Variants in PITPNM2 observed in about 807,000 individuals in gnomAD.
The protein encoded by PITPNM2 is phosphatidylinositol transfer protein membrane associated 2.
PITPNM2 carries 35 observed loss-of-function variants against 132.2 expected under a neutral mutation model. The ratio of observed to expected loss-of-function variants is 0.26; its 90% CI spans 0.20 to 0.35. The LOEUF (loss-of-function observed/expected upper bound fraction) is 0.35. Among genes scored for constraint, PITPNM2 ranks in the 10% least tolerant of loss-of-function variants. The pLI is 1.00. For synonymous variants in PITPNM2, 738 were observed against 799.2 expected (o/e 0.92, Z 1.29); for missense variants, 1,332 against 1,912.0 (o/e 0.70, Z 5.66).
intron 6 of PITPNM2, chr12:123,007,294 C>A: frequency 4.4e-6 from 2 of 455,012 alleles, no homozygotes; most frequent in Non-Finnish European, 8.8e-6. Context: ...GTGTGAAATG[C>A]CACATTTCAT....
chr12:122,987,346 A>C lies in PITPNM2; in HGVS notation c.3348T>G (p.Phe1116Leu), dbSNP rs1368999089. ...EFVVFSIDGS[F>L]AASVSIMGSD... ...TGCCCATGATGGACACGCTAGCGGC[A>C]AAGGAACCGTCGATGCTGAAGACCA... The change falls in exon 23 of 26, where the codon TTT (phenylalanine) becomes TTG (leucine). Residue 1116 changes from phenylalanine (F) to leucine (L), a missense_variant. Phe to Leu is a conservative substitution (Grantham distance 22). Coordinates refer to ENST00000320201, the MANE Select transcript of PITPNM2 (RefSeq NM_020845.3). 6.2e-7 allele frequency: 1 copy of C among 1,612,744 alleles called. No homozygotes were observed. Among genetic ancestry groups the C allele is most frequent in the African/African-American group, 1.3e-5 (1 of 74,894 alleles).
intron 2 of PITPNM2, chr12:123,092,588 T>G (rs888091775): frequency 7.9e-5 from 12 of 152,272 alleles, no homozygotes; most frequent in African/African-American, 2.7e-4. Context: ...CTCAAGGCTT[T>G]ATCTTCTCCT....
chr12:123,044,691 G>A (rs1287332669), intron 2 of PITPNM2, among the ~76,000 whole-genome samples: 1 of 152,214 alleles, frequency 6.6e-6, no homozygotes, highest in Non-Finnish European at 1.5e-5. Flanking sequence ...GGAGGGCACA[G>A]CTCCTGCAGT....
At chr12:123,096,177 G>A (rs1246440784) in intron 2 of PITPNM2, among the ~76,000 whole-genome samples, 8 of 152,234 alleles carry the variant, frequency 5.3e-5, no homozygotes, top group Non-Finnish European at 1.0e-4. Context: ...CCTCCTTTGA[G>A]GGACTAGCCC....
intron 8 of PITPNM2, among the ~76,000 whole-genome samples, chr12:123,002,155 T>C (rs1361181602): frequency 6.7e-6 from 1 of 150,052 alleles, no homozygotes; most frequent in African/African-American, 2.5e-5. Flanking sequence ...CTGGCCAACG[T>C]GGCAAAACCC....
intron 2 of PITPNM2, among the ~76,000 whole-genome samples, chr12:123,102,202 G>A (rs1344574276): frequency 6.6e-6 from 1 of 152,200 alleles, no homozygotes; most frequent in African/African-American, 2.4e-5. Context: ...CTGGGGAGAG[G>A]AAGGAAAGTG....
At chr12:123,018,581 T>A (rs1399238748) in intron 3 of PITPNM2, among the ~76,000 whole-genome samples, 1 of 151,912 alleles carries the variant, frequency 6.6e-6, no homozygotes, top group Non-Finnish European at 1.5e-5. Context: ...ATTACAGGCA[T>A]GAGCCACTAC....
chr12:123,141,504 G>A (rs1344248024), intron 1 of PITPNM2, among the ~76,000 whole-genome samples: 1 of 152,162 alleles, frequency 6.6e-6, no homozygotes, highest in East Asian at 1.9e-4. Flanking sequence ...AGAAGCAGCT[G>A]GGATACGCCA....
intron 2 of PITPNM2, among the ~76,000 whole-genome samples, chr12:123,107,578 AGAG>A (rs145367022): frequency 1.6e-4 from 25 of 152,194 alleles, no homozygotes; most frequent in Non-Finnish European, 2.6e-4. Flanking sequence ...TGTGGAGGAG[AGAG>A]GAGAAGGAAA....
intron 18 of PITPNM2, 37 bp downstream of exon 18, chr12:122,989,750 G>A (rs2038102646): frequency 7.4e-7 from 1 of 1,355,824 alleles, no homozygotes; most frequent in East Asian, 2.8e-5. Context: ...CAGCAGCAGA[G>A]TGACCCCCAG....
chr12:122,991,684 T>C (rs2038191194), intron 16 of PITPNM2: 2 of 1,271,810 alleles, frequency 1.6e-6, no homozygotes, highest in Non-Finnish European at 2.0e-6. Flanking sequence ...AGGGCATGGA[T>C]TGGGGGGTGT....
At chr12:123,021,476 C>T (rs983456517) in intron 3 of PITPNM2, among the ~76,000 whole-genome samples, 2 of 152,160 alleles carry the variant, frequency 1.3e-5, no homozygotes, top group African/African-American at 4.8e-5. Flanking sequence ...GGACTACAGG[C>T]GTGCACCCCA....
chr12:123,031,739 T>C lies in PITPNM2; in HGVS notation c.78+2774A>G, dbSNP rs767328167. ...TTGCCCCCAATCTCCCCTCCAAGCA[T>C]GCTAGTGCCTGTCACAGAAGCACCT... On this transcript the variant is annotated intron_variant, in intron 3 of 25. Transcript: ENST00000320201. This position sits in a 1 kb window ranked among gnomAD's most constrained non-coding sequence, Gnocchi z 4.5. 6.6e-6 allele frequency among the ~76,000 whole-genome samples: 1 copy of C among 152,188 alleles called. No individual in the cohort carries two copies. The highest frequency in any genetic ancestry group is 6.5e-5 in the Admixed American group (1 of 15,280).
chr12:123,001,052 A>G lies in PITPNM2; in HGVS notation c.1153+2T>C. ...CTCTGCAGCACCCCCAGACCTGCTG[A>G]CCTTGTGTGTCTTCCGGCTCTGGGC... On this transcript the variant is annotated splice_donor_variant, in intron 9 of 25. Coordinates refer to ENST00000320201, the MANE Select transcript of PITPNM2 (RefSeq NM_020845.3). LOFTEE classifies it high-confidence loss of function. 1 of 1,613,500 alleles carries G rather than the reference A, an allele frequency of 6.2e-7. No individual in the cohort carries two copies. Among genetic ancestry groups the G allele is most frequent in the South Asian group, 1.1e-5 (1 of 91,078 alleles).
In PITPNM2 at chr12:122,994,586, G is replaced by A. The variant is rs986085525; in HGVS notation, c.2233+215C>T. Among the ~76,000 whole-genome samples the A allele has an allele frequency of 4.6e-5, 7 of 152,148 alleles. No individual in the cohort carries two copies. Among genetic ancestry groups the A allele is most frequent in the Non-Finnish European group, 8.8e-5 (6 of 68,006 alleles). The stretch of plus-strand genomic sequence containing the variant: ...GACCCTCAGCATCCACAGGCACCCC[G>A]GAGATGAAATGAAACAGCAGGTGTC... On this transcript the variant is annotated intron_variant, in intron 15 of 25. Transcript: ENST00000320201. This position sits in a 1 kb window ranked among gnomAD's most constrained non-coding sequence, Gnocchi z 5.4.
At chr12:123,144,849 G>C (rs1296161132) in intron 1 of PITPNM2, among the ~76,000 whole-genome samples, 1 of 152,182 alleles carries the variant, frequency 6.6e-6, no homozygotes, top group Non-Finnish European at 1.5e-5. Context: ...ATAGGCATGA[G>C]CCACCATGCC....
At position 123,008,055 on chromosome 12, in the gene PITPNM2, A is replaced by G. The variant is rs1477755877; in HGVS notation, c.643+1795T>C. 1.3e-5 allele frequency among the ~76,000 whole-genome samples: 2 copies of G among 152,196 alleles called. No homozygotes were observed. Among genetic ancestry groups the G allele is most frequent in the African/African-American group, 4.8e-5 (2 of 41,440 alleles). On this transcript the variant is annotated intron_variant, in intron 6 of 25. Coordinates refer to ENST00000320201, the MANE Select transcript of PITPNM2 (RefSeq NM_020845.3). This position sits in a 1 kb window ranked among gnomAD's most constrained non-coding sequence, Gnocchi z 4.1. ...AGTCCGATAGGATCGGTGTCATTAC[A>G]CCCATTTTACAGAAGAGAAAAGCAA... is the stretch of plus-strand genomic sequence containing the variant.
chr12:123,036,800 G>T lies in PITPNM2; in HGVS notation c.-95-2115C>A, dbSNP rs1419307670. Reference sequence around the variant, plus strand: ...GTTTCCTTGCCCTGTTCCCCTCCTTGGGGTGGCCCCAGGCCCTGCTATATC... The same window carrying T: ...GTTTCCTTGCCCTGTTCCCCTCCTTTGGGTGGCCCCAGGCCCTGCTATATC... On this transcript the variant is annotated intron_variant, in intron 2 of 25. Transcript: ENST00000320201. This position sits in a 1 kb window ranked among gnomAD's most constrained non-coding sequence, Gnocchi z 4.1. 6.6e-6 allele frequency among the ~76,000 whole-genome samples: 1 copy of T among 152,108 alleles called. No individual in the cohort carries two copies. The highest frequency in any genetic ancestry group is 1.5e-5 in the Non-Finnish European group (1 of 68,000).
At position 123,005,107 on chromosome 12, in the gene PITPNM2, T is replaced by C; in HGVS notation, c.952+133A>G. 1.8e-6 allele frequency: 2 copies of C among 1,136,830 alleles called. No homozygotes were observed. The highest frequency in any genetic ancestry group is 3.0e-5 in the South Asian group (2 of 66,590). 70.4% of individuals were successfully genotyped at this position (1,136,830 alleles called of 1,614,324 possible). On this transcript the variant is annotated intron_variant, in intron 7 of 25. Coordinates refer to ENST00000320201, the MANE Select transcript of PITPNM2 (RefSeq NM_020845.3). The surrounding 1 kb of genome is among the most constrained non-coding windows in gnomAD (Gnocchi z 6.2). Reference sequence around the variant, plus strand: ...GTGTGCGAGGACTAGCCCAGGGCTCTGACTCCCTCTGGGCTTGGTGCCTCA... The same window carrying C: ...GTGTGCGAGGACTAGCCCAGGGCTCCGACTCCCTCTGGGCTTGGTGCCTCA...
Sources: gnomAD v4.1 joint callset for allele counts (sites outside exome capture counted in the v4.1 genomes callset) on GRCh38, gnomAD v4.1.1 for gene constraint, Gnocchi (gnomAD v3.1) non-coding constraint, MANE v1.5 for transcripts, NCBI Gene and HGNC (gene_info 2026-07-23, HGNC 2026-07-21) for gene names.